RHD: variants seen among roughly 807,000 people sequenced by gnomAD.
RHD encodes the protein blood group Rh(D) polypeptide.
RHD carries 16 observed loss-of-function variants against 45.5 expected under a neutral mutation model. The observed-to-expected ratio is 0.35, with a 90% confidence interval of 0.24 to 0.53. The LOEUF is 0.53. RHD is among the 20% of genes least tolerant of loss of function. The probability of loss-of-function intolerance (pLI) is 0.92; values close to 1 mark genes in which losing one functional copy is unlikely to be tolerated. For synonymous variants in RHD, 131 were observed against 217.5 expected (o/e 0.60, Z 3.50); for missense variants, 306 against 532.0 (o/e 0.58, Z 4.18).
intron 1 of RHD, among the ~76,000 whole-genome samples, chr1:25,283,268 T>C (rs28548086): frequency 0.015 from 2,012 of 132,610 alleles, 292 homozygotes; most frequent in African/African-American, 0.049. Flanking sequence ...CTGTGGCTCA[T>C]GTCTGTAATC....
At chr1:25,315,267 A>C (rs1198147545) in intron 7 of RHD, among the ~76,000 whole-genome samples, 2 of 129,842 alleles carry the variant, frequency 1.5e-5, no homozygotes, top group Non-Finnish European at 3.6e-5. Context: ...TCAGTCATTC[A>C]ACAAATATTT....
Position 25,302,182 on chromosome 1 carries a change from C to A in RHD, c.801+496C>A, listed in dbSNP as rs1643437401. On this transcript the variant is annotated intron_variant, in intron 5 of 9. Transcript: ENST00000328664. ...GTAAAGTGGGAATTAAGAGATGGTG[C>A]ATGTAAAGTGCTTAACGGGGAGTAA... Among the ~76,000 whole-genome samples the A allele has an allele frequency of 1.5e-5, 2 of 131,314 alleles. 1 individual carries two copies. The highest frequency in any genetic ancestry group is 5.3e-5 in the African/African-American group (2 of 37,980). 86.1% of individuals were successfully genotyped at this position (131,314 alleles called of 152,430 possible).
Position 25,307,174 on chromosome 1 carries a change from G to T in RHD, c.1073+445G>T, listed in dbSNP as rs186337100. ...ACTATCTCCCCTCACAGGACTGTTG[G>T]GATGCTACTGGATTTAATAAGCTAA... On this transcript the variant is annotated intron_variant, in intron 7 of 9. Coordinates refer to ENST00000328664, the MANE Select transcript of RHD (RefSeq NM_016124.6). Among the ~76,000 whole-genome samples the T allele has an allele frequency of 1.5e-3, 192 of 132,220 alleles. 27 individuals are homozygous for T. The highest frequency in any genetic ancestry group is 4.9e-3 in the African/African-American group (187 of 38,416). The allele number at this position is 132,220 out of a possible 152,430, so 86.7% of individuals were successfully genotyped here. A position where few individuals can be genotyped will look rare whatever the true frequency, so the allele number is the denominator to read the frequency against.
chr1:25,282,503 C>T lies in RHD; in HGVS notation c.149-2070C>T, dbSNP rs642186. On this transcript the variant is annotated intron_variant, in intron 1 of 9. Transcript: ENST00000328664. ...CCACCTCATCCTCCTAAATTGGTAT[C>T]TTTATATGTCCAAAAGAGTCAACTG... 9.2e-4 allele frequency among the ~76,000 whole-genome samples: 122 copies of T among 132,168 alleles called. 24 individuals carry two copies. Among genetic ancestry groups the T allele is most frequent in the Middle Eastern group, 8.1e-3 (2 of 246 alleles). The allele number at this position is 132,168 out of a possible 152,430, so 86.7% of individuals were successfully genotyped here.
At chr1:25,277,993 A>G (rs1332794977) in intron 1 of RHD, among the ~76,000 whole-genome samples, 3 of 131,658 alleles carry the variant, frequency 2.3e-5, no homozygotes, top group African/African-American at 7.7e-5. Context: ...TAATTTCTTA[A>G]TTTTTTAAAT....
rs371919182 is a variant in RHD, at chr1:25,276,383, C to T, written c.148+3688C>T. On this transcript the variant is annotated intron_variant, in intron 1 of 9. Coordinates refer to ENST00000328664, the MANE Select transcript of RHD (RefSeq NM_016124.6). ...GTCATCGTGCTGTTCTCTCTGTTTT[C>T]GTATATGCTTTAAAAGTTCTGTAAT... Among the ~76,000 whole-genome samples the T allele has an allele frequency of 1.7e-4, 20 of 119,402 alleles. 3 individuals carry two copies. The highest frequency in any genetic ancestry group is 1.2e-3 in the East Asian group (6 of 4,990). The allele number at this position is 119,402 out of a possible 152,430, so 78.3% of individuals were successfully genotyped here. A position where few individuals can be genotyped will look rare whatever the true frequency, so the allele number is the denominator to read the frequency against.
chr1:25,303,281 C>G (rs1289764158), intron 5 of RHD, 41 bp from the exon 6 acceptor site: 1 of 1,227,258 alleles, frequency 8.1e-7, no homozygotes, highest in East Asian at 2.3e-5. Flanking sequence ...GGTGTTCTCT[C>G]TCTACCTTGC....
chr1:25,320,041 G>A (rs1644613467), intron 8 of RHD, among the ~76,000 whole-genome samples: 1 of 131,492 alleles, frequency 7.6e-6, no homozygotes, highest in Non-Finnish European at 1.8e-5. Context: ...TGGGATTACA[G>A]GCATGCACCA....
At chr1:25,305,898 A>G (rs12126031) in intron 6 of RHD, among the ~76,000 whole-genome samples, 32,281 of 130,480 alleles carry the variant, frequency 0.25, 9,188 homozygotes, top group Admixed American at 0.31. Flanking sequence ...CACCGTGCCC[A>G]ACCTGGATTT....
intron 9 of RHD, among the ~76,000 whole-genome samples, chr1:25,322,604 C>G (rs1470130808): frequency 7.6e-6 from 1 of 130,932 alleles, no homozygotes; most frequent in Non-Finnish European, 1.8e-5. Flanking sequence ...ACCTGGGAAG[C>G]GAAGTTTGCA....
chr1:25,308,036 GA>G (rs67959545), intron 7 of RHD, among the ~76,000 whole-genome samples: 23,902 of 110,986 alleles, frequency 0.22, 5,276 homozygotes, highest in Admixed American at 0.27. Flanking sequence ...GGGGAAGTTA[GA>G]AAAAAAAAAA....
intron 2 of RHD, among the ~76,000 whole-genome samples, chr1:25,289,136 C>T (rs1183043440): frequency 7.6e-6 from 1 of 131,942 alleles, no homozygotes; most frequent in African/African-American, 2.6e-5. Context: ...TAATCCTCTA[C>T]GTGACCCTCT....
intron 3 of RHD, among the ~76,000 whole-genome samples, chr1:25,299,072 TA>T (rs34867414): frequency 0.018 from 717 of 40,854 alleles, 19 homozygotes; most frequent in African/African-American, 0.039. Flanking sequence ...CACATGGTGA[TA>T]AAAAAAAAAA....
At chr1:25,287,646 A>G (rs2124633030) in intron 2 of RHD, among the ~76,000 whole-genome samples, 1 of 135,636 alleles carries the variant, frequency 7.4e-6, no homozygotes, top group Admixed American at 7.1e-5. Context: ...TGTTTTCCTC[A>G]CATACTGATA....
In RHD at chr1:25,279,012, G is replaced by A. The variant is rs1218797822; in HGVS notation, c.149-5561G>A. Among the ~76,000 whole-genome samples, 4 of 129,978 alleles carry A rather than the reference G, an allele frequency of 3.1e-5. 1 individual carries two copies. The highest frequency in any genetic ancestry group is 7.2e-5 in the Non-Finnish European group (4 of 55,228). 85.3% of individuals were successfully genotyped at this position (129,978 alleles called of 152,430 possible). ...GTGTGACTTCAGAGCTGTTGGTGCT[G>A]AAGTTTCTGCAGGCCAGAAGGAGGG... On this transcript the variant is annotated intron_variant, in intron 1 of 9. Coordinates refer to ENST00000328664, the MANE Select transcript of RHD (RefSeq NM_016124.6).
intron 7 of RHD, among the ~76,000 whole-genome samples, chr1:25,310,392 C>G (rs1292867512): frequency 7.5e-6 from 1 of 132,828 alleles, no homozygotes; most frequent in African/African-American, 2.6e-5. Context: ...GATGACTTCT[C>G]CATGTCATGA....
chr1:25,274,451 C>T (rs1296898608), intron 1 of RHD, among the ~76,000 whole-genome samples: 2 of 132,246 alleles, frequency 1.5e-5, no homozygotes, highest in Admixed American at 7.4e-5. Context: ...ACCCCTGCAC[C>T]GTGCTACTAA....
At chr1:25,296,243 CTT>C (rs894411494) in intron 3 of RHD, among the ~76,000 whole-genome samples, 4 of 115,392 alleles carry the variant, frequency 3.5e-5, no homozygotes, top group African/African-American at 5.8e-5. Flanking sequence ...GTGTACATTT[CTT>C]TTTTTTTTTT....
intron 1 of RHD, among the ~76,000 whole-genome samples, chr1:25,280,921 C>G (rs1205618177): frequency 7.6e-6 from 1 of 132,268 alleles, no homozygotes; most frequent in African/African-American, 2.6e-5. Context: ...CATACCTGGT[C>G]TGACTTCCTA....
Sources: allele counts gnomAD v4.1 joint callset (sites outside exome capture counted in the v4.1 genomes callset), GRCh38; gene constraint gnomAD v4.1.1; transcripts MANE v1.5; gene names NCBI Gene and HGNC (gene_info 2026-07-23, HGNC 2026-07-21).